Variants in IQANK1 observed in about 807,000 individuals in gnomAD.
IQANK1 encodes IQ motif and ankyrin repeat domain-containing protein 1.
Under a neutral mutation model 22.6 loss-of-function variants are expected in IQANK1, and 30 were observed. That is an observed-to-expected ratio of 1.33 (90% confidence interval 0.99 to 1.80). The LOEUF is 1.80. Ranked by LOEUF, IQANK1 falls within the 40% of genes most tolerant of loss-of-function variation. The pLI is 0.00. For synonymous variants in IQANK1, 122 were observed against 99.6 expected, an observed-to-expected ratio of 1.23 and a Z score of -1.34; for missense variants, 275 against 235.2, an observed-to-expected ratio of 1.17 and a Z score of -1.11.
chr8:143,749,471 A>C (rs566008114), intron 3 of IQANK1, among the ~76,000 whole-genome samples: 17 of 136,512 alleles, frequency 1.2e-4, no homozygotes, highest in African/African-American at 4.5e-4. Context: ...ATAATATATA[A>C]ATATATGTAT....
intron 3 of IQANK1, among the ~76,000 whole-genome samples, chr8:143,747,638 G>T (rs1587475641): frequency 6.6e-6 from 1 of 150,550 alleles, no homozygotes; most frequent in African/African-American, 2.5e-5. Flanking sequence ...GTTGAAGGGT[G>T]TTTTTTTTTA....
chr8:143,771,498 G>T lies in IQANK1; in HGVS notation c.186G>T (p.Glu62Asp). ...ESPQAPTGPAEDRAARAIQGA... is the reference protein window; with the variant it reads ...ESPQAPTGPADDRAARAIQGA... The stretch of plus-strand genomic sequence containing the variant: ...CTCTCCCCACCCCAGGGCCGGCCGA[G>T]GACCGAGCGGCCAGAGCGATCCAGG... Residue 62 changes from glutamate (E) to aspartate (D), a missense_variant, in exon 4 of 14, where the codon GAG becomes GAT. Transcript: ENST00000527139. This position sits in a 1 kb window ranked among gnomAD's most constrained non-coding sequence, Gnocchi z 6.0. 2.5e-6 allele frequency: 1 copy of T among 398,064 alleles called. No individual in the cohort carries two copies. Among genetic ancestry groups the T allele is most frequent in the South Asian group, 1.3e-4 (1 of 7,862 alleles). The allele number at this position is 398,064 out of a possible 1,614,324, so 24.7% of individuals were successfully genotyped here. A position where few individuals can be genotyped will look rare whatever the true frequency, so the allele number is the denominator to read the frequency against.
At chr8:143,740,639 A>G (rs1554626352) in intron 3 of IQANK1, among the ~76,000 whole-genome samples, 1 of 152,190 alleles carries the variant, frequency 6.6e-6, no homozygotes. Flanking sequence ...CCTCGCGGCC[A>G]CATCAGGTCT....
Position 143,760,852 on chromosome 8 carries a change from G to C in IQANK1, c.176-10636G>C, listed in dbSNP as rs1819381826. On this transcript the variant is annotated intron_variant, in intron 3 of 13. Coordinates refer to ENST00000527139, the MANE Select transcript of IQANK1 (RefSeq NM_001381874.1). The stretch of plus-strand genomic sequence containing the variant: ...AGGGTTTTCTGCGCTCGGCATCGCG[G>C]CGGGGCCCTCCCAGGAGCCGGTCAT... Among the ~76,000 whole-genome samples the C allele has an allele frequency of 1.3e-5, 2 of 152,218 alleles. 1 individual carries two copies. Among genetic ancestry groups the C allele is most frequent in the South Asian group, 4.1e-4 (2 of 4,832 alleles).
At chr8:143,770,506 G>A (rs555101523) in intron 3 of IQANK1, among the ~76,000 whole-genome samples, 2 of 152,094 alleles carry the variant, frequency 1.3e-5, no homozygotes, top group African/African-American at 2.4e-5. Flanking sequence ...CGTGCCCTGG[G>A]CCTGCAGGGT....
At chr8:143,737,840 C>T (rs1027853705) in intron 2 of IQANK1, among the ~76,000 whole-genome samples, 7 of 152,362 alleles carry the variant, frequency 4.6e-5, no homozygotes, top group African/African-American at 1.7e-4. Context: ...GACCTGCCGC[C>T]ACCGGTCCTC....
intron 3 of IQANK1, among the ~76,000 whole-genome samples, chr8:143,748,938 T>C (rs1198356532): frequency 9.0e-6 from 1 of 111,452 alleles, no homozygotes; most frequent in African/African-American, 3.7e-5. Flanking sequence ...TATAAAAATA[T>C]ATACATATAT....
intron 7 of IQANK1, among the ~76,000 whole-genome samples, chr8:143,783,673 T>C (rs1236962533): frequency 3.9e-5 from 6 of 152,244 alleles, no homozygotes; most frequent in African/African-American, 1.4e-4. Context: ...AAAGATATTT[T>C]CTGGTGCAGT....
At chr8:143,745,228 G>T (rs1819003496) in intron 3 of IQANK1, 1 of 152,212 alleles carries the variant, frequency 6.6e-6, no homozygotes, top group African/African-American at 2.4e-5. Flanking sequence ...CTGCTGTCCG[G>T]CTGGCAGAGC....
chr8:143,741,323 C>T (rs1031867560), intron 3 of IQANK1, among the ~76,000 whole-genome samples: 2 of 152,172 alleles, frequency 1.3e-5, no homozygotes, highest in Admixed American at 1.3e-4. Flanking sequence ...GAAACTCAAA[C>T]TGCAGGCCAC....
In IQANK1 at chr8:143,734,188, C is replaced by G. The variant is rs899662336; in HGVS notation, c.-36C>G. 5 of 152,308 alleles carry G rather than the reference C, an allele frequency of 3.3e-5. No homozygotes were observed. Among genetic ancestry groups the G allele is most frequent in the African/African-American group, 1.2e-4 (5 of 41,570 alleles). The allele number at this position is 152,308 out of a possible 1,614,324, so 9.4% of individuals were successfully genotyped here. On this transcript the variant is annotated 5_prime_UTR_variant, in exon 1 of 14. Coordinates refer to ENST00000527139, the MANE Select transcript of IQANK1 (RefSeq NM_001381874.1). ...GACGCCAGGGGCGGAGCTCTGGCCT[C>G]CTCGCCGAGTTGGGGGAGGCAGGTG...
At chr8:143,787,708 C>T (rs1554631537) in intron 7 of IQANK1, among the ~76,000 whole-genome samples, 1 of 152,176 alleles carries the variant, frequency 6.6e-6, no homozygotes, top group Non-Finnish European at 1.5e-5. Flanking sequence ...ATGCCACGAA[C>T]CCCTTGCTCT....
In IQANK1 at chr8:143,743,606, A is replaced by T. The variant is rs1016317028; in HGVS notation, c.175+3658A>T. 2.6e-5 allele frequency among the ~76,000 whole-genome samples: 4 copies of T among 152,180 alleles called. No homozygotes were observed. The South Asian group carries it at 8.3e-4, about 32-fold the overall frequency. On this transcript the variant is annotated intron_variant, in intron 3 of 13. Coordinates refer to ENST00000527139, the MANE Select transcript of IQANK1 (RefSeq NM_001381874.1). ...CAGTGGAATTACGATTGCACTTGGA[A>T]ATGTATCGTGTTGGGTGTGTTCCTT...
intron 3 of IQANK1, chr8:143,743,216 TTTTTG>T: frequency 2.8e-6 from 1 of 361,110 alleles, no homozygotes; most frequent in Non-Finnish European, 5.5e-6. Context: ...TTGGTTTGGG[TTTTTG>T]TTTTGTTCCG....
rs1180884449 is a variant in IQANK1, at chr8:143,771,026, G to T, written c.176-462G>T. Among the ~76,000 whole-genome samples the T allele has an allele frequency of 6.6e-6, 1 of 152,218 alleles. No individual in the cohort carries two copies. Among genetic ancestry groups the T allele is most frequent in the African/African-American group, 2.4e-5 (1 of 41,478 alleles). ...CCGGAGAGGACAGAGCTCCCTCTGG[G>T]GCCCTGGGCTCCGCGCCCTCTTCTG... On this transcript the variant is annotated intron_variant, in intron 3 of 13. Coordinates refer to ENST00000527139, the MANE Select transcript of IQANK1 (RefSeq NM_001381874.1). This position sits in a 1 kb window ranked among gnomAD's most constrained non-coding sequence, Gnocchi z 6.0.
At chr8:143,786,500 A>G (rs956890405) in intron 7 of IQANK1, among the ~76,000 whole-genome samples, 2 of 152,252 alleles carry the variant, frequency 1.3e-5, no homozygotes, top group African/African-American at 2.4e-5. Flanking sequence ...ACATCTATAT[A>G]GTCATCTCTC....
chr8:143,789,438 G>C lies in IQANK1; in HGVS notation c.996G>C (p.Leu332=), dbSNP rs540520129. The part of the protein sequence containing the change: ...TREQQQCHKE[L]QQAYCELSRR... ...GGCCTGCCCGTACGCCCACCCAGCTGCAACAGGCCTACTGTGAGCTTAGCC... is the reference window on the plus strand; with the variant it reads ...GGCCTGCCCGTACGCCCACCCAGCTCCAACAGGCCTACTGTGAGCTTAGCC... Residue 332 remains leucine (L), a splice_region_variant and synonymous_variant, in exon 10 of 14, where the codon CTG becomes CTC. Transcript: ENST00000527139. 27 of 1,228,214 alleles carry C rather than the reference G, an allele frequency of 2.2e-5. No individual in the cohort carries two copies. The highest frequency in any genetic ancestry group is 1.7e-4 in the Admixed American group (4 of 23,690). The allele number at this position is 1,228,214 out of a possible 1,614,324, so 76.1% of individuals were successfully genotyped here.
At chr8:143,743,763 GC>G (rs1281611503) in intron 3 of IQANK1, 3 of 352,480 alleles carry the variant, frequency 8.5e-6, no homozygotes, top group African/African-American at 2.2e-5. Context: ...TAATTATGCT[GC>G]CATCTACAGA....
chr8:143,745,350 A>G (rs1465992510), intron 3 of IQANK1: 2 of 152,194 alleles, frequency 1.3e-5, no homozygotes, highest in Admixed American at 6.5e-5. Context: ...GTTTTCCCCA[A>G]TATCAACCCG....
Sources: gnomAD v4.1 joint callset for allele counts (sites outside exome capture counted in the v4.1 genomes callset) on GRCh38, gnomAD v4.1.1 for gene constraint, Gnocchi (gnomAD v3.1) non-coding constraint, MANE v1.5 for transcripts, NCBI Gene and HGNC (gene_info 2026-07-23, HGNC 2026-07-21) for gene names.